LIMCH1: variants seen among roughly 807,000 people sequenced by gnomAD.
LIMCH1 encodes the protein LIM and calponin homology domains 1, also known as LIM and calponin homology domains-containing protein 1.
Under a neutral mutation model 176.5 loss-of-function variants are expected in LIMCH1, and 113 were observed. The ratio of observed to expected loss-of-function variants is 0.64; its 90% CI spans 0.55 to 0.75. The LOEUF (loss-of-function observed/expected upper bound fraction) is 0.75, where lower values mean the gene tolerates loss of function less well. LIMCH1 is among the 30% of genes least tolerant of loss of function. LIMCH1 has a pLI of 0.00. For missense variants in LIMCH1, 1,674 were observed against 1,814.9 expected (o/e 0.92, Z 1.41); for synonymous variants, 619 against 645.9 (o/e 0.96, Z 0.63).
chr4:41,568,125 C>A (rs1313914335), intron 1 of LIMCH1, among the ~76,000 whole-genome samples: 1 of 152,138 alleles, frequency 6.6e-6, no homozygotes, highest in East Asian at 1.9e-4. Flanking sequence ...TGCACTTCAG[C>A]CTAGGCGACA....
Position 41,685,270 on chromosome 4 carries a change from G to A in LIMCH1, c.3968-440G>A, listed in dbSNP as rs1461735071. ...TTATAATACATAAGCATAGATTTGT[G>A]CGTGTTCCCAAATGGAGATATCCTG... On this transcript the variant is annotated intron_variant, in intron 27 of 31. Transcript: ENST00000503057. 2.0e-5 allele frequency among the ~76,000 whole-genome samples: 3 copies of A among 152,114 alleles called. No homozygotes were observed. In the East Asian group the frequency reaches 5.8e-4, roughly 29 times the overall value.
chr4:41,633,112 C>T (rs149359700), intron 12 of LIMCH1, 27 bp downstream of exon 12: 1,352 of 1,466,738 alleles, frequency 9.2e-4, no homozygotes, highest in Non-Finnish European at 1.1e-3. Context: ...CGCTCTGCTC[C>T]GTGGTGTGTT....
chr4:41,474,864 G>A (rs2067496456), intron 1 of LIMCH1, among the ~76,000 whole-genome samples: 1 of 152,160 alleles, frequency 6.6e-6, no homozygotes, highest in Non-Finnish European at 1.5e-5. Flanking sequence ...TCGAAGAGAT[G>A]TCTGTGTTCC....
intron 1 of LIMCH1, among the ~76,000 whole-genome samples, chr4:41,459,669 A>G (rs374574677): frequency 3.0e-4 from 46 of 152,288 alleles, no homozygotes; most frequent in African/African-American, 9.6e-4. Context: ...ATAAGGGCTA[A>G]GAACTAAACA....
chr4:41,666,579 C>G lies in LIMCH1; in HGVS notation c.3310C>G (p.Pro1104Ala). The G allele has an allele frequency of 6.2e-7, 1 of 1,613,836 alleles. No individual in the cohort carries two copies. Among genetic ancestry groups the G allele is most frequent in the South Asian group, 1.1e-5 (1 of 91,066 alleles). ...TGTCCAGGTGGTAAAGCCAAAATCT[C>G]CAGAACCCGAAGCAACGCTGACATT... ...LSQKVVKPKS[P>A]EPEATLTFPF... The change falls in exon 21 of 32, where the codon CCA (proline) becomes GCA (alanine). Residue 1104 changes from proline (P) to alanine (A), a missense_variant. Physicochemically the swap from Pro to Ala is conservative, Grantham distance 27. Coordinates refer to ENST00000503057, the MANE Select transcript of LIMCH1 (RefSeq NM_001330672.2).
At chr4:41,548,759 T>C (rs2079958581) in intron 1 of LIMCH1, among the ~76,000 whole-genome samples, 1 of 152,122 alleles carries the variant, frequency 6.6e-6, no homozygotes, top group African/African-American at 2.4e-5. Context: ...GTTTTTTCCT[T>C]TTTGGAGAAG....
intron 3 of LIMCH1, among the ~76,000 whole-genome samples, chr4:41,530,310 C>G (rs951566011): frequency 6.6e-6 from 1 of 152,168 alleles, no homozygotes; most frequent in Admixed American, 6.5e-5. Flanking sequence ...TTGGGGTCCT[C>G]ACTGCTTTGG....
At chr4:41,509,160 C>G (rs1396149731) in intron 2 of LIMCH1, among the ~76,000 whole-genome samples, 1 of 152,200 alleles carries the variant, frequency 6.6e-6, no homozygotes, top group Non-Finnish European at 1.5e-5. Flanking sequence ...CCTCAGCTAA[C>G]TGGGATATAT....
intron 1 of LIMCH1, among the ~76,000 whole-genome samples, chr4:41,463,219 C>T (rs552203225): frequency 1.9e-3 from 294 of 152,040 alleles, no homozygotes; most frequent in Non-Finnish European, 3.4e-3. Context: ...AGAACTTGGG[C>T]AGGGTGACTT....
intron 1 of LIMCH1, among the ~76,000 whole-genome samples, chr4:41,492,266 C>T (rs1016789193): frequency 6.6e-5 from 10 of 152,174 alleles, no homozygotes; most frequent in Middle Eastern, 3.4e-3. Flanking sequence ...TCAGGAGTGG[C>T]GGTGTGTGCC....
chr4:41,507,961 G>A (rs1188987692), intron 2 of LIMCH1, among the ~76,000 whole-genome samples: 3 of 152,310 alleles, frequency 2.0e-5, no homozygotes, highest in South Asian at 4.1e-4. Context: ...AGACCTGAAC[G>A]AAGAGGAGAA....
At chr4:41,655,521 C>T (rs181639962) in intron 18 of LIMCH1, among the ~76,000 whole-genome samples, 6 of 152,300 alleles carry the variant, frequency 3.9e-5, no homozygotes, top group East Asian at 1.9e-4. Flanking sequence ...CTTGAACAGA[C>T]GTGAATTTCA....
chr4:41,576,635 T>A (rs1397957681), intron 1 of LIMCH1, among the ~76,000 whole-genome samples: 1 of 152,182 alleles, frequency 6.6e-6, no homozygotes, highest in Non-Finnish European at 1.5e-5. Context: ...GCGGGGACAG[T>A]CTTTGTTTAT....
At position 41,680,965 on chromosome 4, in the gene LIMCH1, T is replaced by C; in HGVS notation, c.3623T>C (p.Ile1208Thr). The change falls in exon 25 of 32, where the codon ATA becomes ACA. Residue 1208 changes from isoleucine to threonine, a missense_variant. This residue lies in a region of LIMCH1 where 1,015 missense variants were observed against 1,102.5 expected (regional missense o/e 0.92). Coordinates refer to ENST00000503057, the MANE Select transcript of LIMCH1 (RefSeq NM_001330672.2). ...ERRYYEEERK[I>T]IEDTVVPFTV... ...TGTCCTTCCCCTTAGGAGCGTAAGA[T>C]AATTGAAGACACTGTGGTTCCATTT... The C allele has an allele frequency of 6.3e-7, 1 of 1,595,234 alleles. No individual in the cohort carries two copies. The highest frequency in any genetic ancestry group is 8.6e-7 in the Non-Finnish European group (1 of 1,163,344).
At chr4:41,412,359 G>T (rs899898898) in intron 1 of LIMCH1, among the ~76,000 whole-genome samples, 2 of 152,146 alleles carry the variant, frequency 1.3e-5, no homozygotes, top group African/African-American at 2.4e-5. Flanking sequence ...GTTGTTCTAG[G>T]TGCTGAATTG....
At position 41,631,171 on chromosome 4, in the gene LIMCH1, G is replaced by A; in HGVS notation, c.1295G>A (p.Cys432Tyr). The A allele has an allele frequency of 6.5e-7, 1 of 1,534,436 alleles. No homozygotes were observed. The highest frequency in any genetic ancestry group is 8.7e-7 in the Non-Finnish European group (1 of 1,146,308). The change falls in exon 10 of 32, where the codon TGT (cysteine) becomes TAT (tyrosine). Residue 432 changes from cysteine (C) to tyrosine (Y), a missense_variant. This residue lies in a region of LIMCH1 where 655 missense variants were observed against 692.2 expected (regional missense o/e 0.95). Transcript: ENST00000503057. ...AGGGATGGAGATGTTCAGCACATCT[G>A]TGCTTCTGAGCCTTCCCCAGAAATT... The part of the protein sequence containing the change: ...KARDGDVQHI[C>Y]ASEPSPEIKA...
At chr4:41,507,933 A>G (rs2074385615) in intron 2 of LIMCH1, among the ~76,000 whole-genome samples, 1 of 152,206 alleles carries the variant, frequency 6.6e-6, no homozygotes. Flanking sequence ...ATTCCCTTCA[A>G]GAAGCACATT....
At chr4:41,559,128 T>C (rs2081710341) in intron 1 of LIMCH1, among the ~76,000 whole-genome samples, 1 of 152,204 alleles carries the variant, frequency 6.6e-6, no homozygotes. Context: ...GAAGGCAATT[T>C]ATGTTGTCTT....
chr4:41,580,427 C>A (rs1237431814), intron 1 of LIMCH1, among the ~76,000 whole-genome samples: 3 of 151,990 alleles, frequency 2.0e-5, no homozygotes, highest in East Asian at 1.9e-4. Flanking sequence ...TCACTGATAA[C>A]CCTGGAATCA....
Sources: gnomAD v4.1 joint callset for allele counts (sites outside exome capture counted in the v4.1 genomes callset) on GRCh38, gnomAD v4.1.1 for gene constraint, gnomAD v4.1.1 regional missense constraint, MANE v1.5 for transcripts, NCBI Gene and HGNC (gene_info 2026-07-23, HGNC 2026-07-21) for gene names.